The following PASD1 variants were observed in gnomAD, a reference collection of about 807,000 sequenced individuals.
PASD1 encodes the protein PAS domain containing repressor 1, also known as circadian clock protein PASD1.
Under a neutral mutation model 58.8 loss-of-function variants are expected in PASD1, and 13 were observed. That is an observed-to-expected ratio of 0.22 (90% confidence interval 0.14 to 0.35). The LOEUF (loss-of-function observed/expected upper bound fraction) is 0.35, where lower values mean the gene tolerates loss of function less well. Among genes scored for constraint, PASD1 ranks in the 10% least tolerant of loss-of-function variants. PASD1 has a pLI of 1.00. For missense variants in PASD1, 734 were observed against 568.3 expected (o/e 1.29, Z -2.96); for synonymous variants, 236 against 216.7 (o/e 1.09, Z -0.78).
intron 11 of PASD1, 93 bp from the exon 12 acceptor site, chrX:151,670,945 C>T: frequency 1.0e-6 from 1 of 975,118 alleles, no homozygotes; most frequent in Non-Finnish European, 1.4e-6. Flanking sequence ...TTTGCATTCT[C>T]AGTCTTTCAG....
At chrX:151,587,300 A>G (rs1316555177) in intron 1 of PASD1, among the ~76,000 whole-genome samples, 1 of 106,723 alleles carries the variant, frequency 9.4e-6, no homozygotes, top group African/African-American at 3.4e-5. Context: ...GTGTTCAGCA[A>G]ACTTTGACCA....
chrX:151,653,941 T>TC (rs1156981808), intron 9 of PASD1, among the ~76,000 whole-genome samples: 19 of 80,086 alleles, frequency 2.4e-4, no homozygotes, highest in Admixed American at 3.3e-4. Flanking sequence ...TTTCTTTCTT[T>TC]TTCTCTCTTT....
chrX:151,659,917 A>G (rs1378849779), intron 10 of PASD1, 81 bp downstream of exon 10: 2 of 984,353 alleles, frequency 2.0e-6, no homozygotes, highest in Admixed American at 2.9e-5. Flanking sequence ...TTTCAAATGA[A>G]TATAATGCTC....
In PASD1 at chrX:151,668,956, C is replaced by T. The variant is rs1484522095; in HGVS notation, c.1072-2082C>T. On this transcript the variant is annotated intron_variant, in intron 11 of 15. Coordinates refer to ENST00000370357, the MANE Select transcript of PASD1 (RefSeq NM_173493.3). ...AGAGATGGGGTTTTTGCTTTGTTGC[C>T]CAGGCTGGTCTCAAGCCTCAAGCAG... Among the ~76,000 whole-genome samples the T allele has an allele frequency of 9.5e-5, 10 of 105,373 alleles. No individual in the cohort carries two copies. The Admixed American group carries it at 1.0e-3, about 11-fold the overall frequency. The allele number at this position is 105,373 out of a possible 115,157, so 91.5% of individuals were successfully genotyped here.
chrX:151,566,039 C>T (rs909697258), intron 1 of PASD1, among the ~76,000 whole-genome samples: 1 of 111,789 alleles, frequency 8.9e-6, no homozygotes, highest in Non-Finnish European at 1.9e-5. Context: ...GGTAGTAAAA[C>T]GAAAATTTGT....
intron 1 of PASD1, among the ~76,000 whole-genome samples, chrX:151,600,792 C>G (rs911315968): frequency 8.9e-6 from 1 of 111,916 alleles, no homozygotes; most frequent in Non-Finnish European, 1.9e-5. Flanking sequence ...AGCATTAACA[C>G]CAAGCACGGG....
Position 151,563,757 on chromosome X carries a change from C to T in PASD1, c.-110C>T, listed in dbSNP as rs928112526. On this transcript the variant is annotated 5_prime_UTR_variant, in exon 1 of 16. Coordinates refer to ENST00000370357, the MANE Select transcript of PASD1 (RefSeq NM_173493.3). ...ACTTTCCGGGCGCCCACCAGGCTCC[C>T]GGGCTCTCACCGGAGACCACAGGGA... The T allele has an allele frequency of 8.9e-6, 1 of 112,307 alleles. No individual in the cohort carries two copies. The highest frequency in any genetic ancestry group is 1.9e-5 in the Non-Finnish European group (1 of 53,230). 9.3% of individuals were successfully genotyped at this position (112,307 alleles called of 1,213,427 possible).
intron 11 of PASD1, among the ~76,000 whole-genome samples, chrX:151,670,628 G>T (rs1232816262): frequency 8.9e-6 from 1 of 112,047 alleles, no homozygotes; most frequent in African/African-American, 3.2e-5. Flanking sequence ...TTAGAAGAGT[G>T]CCTGGAACAA....
intron 8 of PASD1, among the ~76,000 whole-genome samples, chrX:151,634,219 CCTCTT>C (rs1408758653): frequency 5.4e-5 from 6 of 111,150 alleles, no homozygotes; most frequent in Non-Finnish European, 1.1e-4. Context: ...ATCATTCTCT[CCTCTT>C]CTCTCCTTCT....
chrX:151,629,450 T>A (rs746655692), intron 8 of PASD1, among the ~76,000 whole-genome samples: 6 of 111,605 alleles, frequency 5.4e-5, no homozygotes, highest in Admixed American at 9.5e-5. Context: ...CTTCAGTGTT[T>A]TATGTTTGGC....
Position 151,673,537 on chromosome X carries a change from G to A in PASD1, c.1917-391G>A, listed in dbSNP as rs183350556. ...ATCTGTATTGATCACAAGACTTCCAGGCTTAGGGTTGTGGAGAGAGCACTG... is the reference window on the plus strand; with the variant it reads ...ATCTGTATTGATCACAAGACTTCCAAGCTTAGGGTTGTGGAGAGAGCACTG... On this transcript the variant is annotated intron_variant, in intron 14 of 15. Coordinates refer to ENST00000370357, the MANE Select transcript of PASD1 (RefSeq NM_173493.3). 5.3e-4 allele frequency: 107 copies of A among 202,822 alleles called. 2 individuals carry two copies. Among genetic ancestry groups the A allele is most frequent in the African/African-American group, 2.9e-3 (100 of 34,764 alleles). The allele number at this position is 202,822 out of a possible 1,213,427, so 16.7% of individuals were successfully genotyped here.
Position 151,577,231 on chromosome X carries a change from T to G in PASD1, c.-28+13392T>G, listed in dbSNP as rs190360868. 2.7e-5 allele frequency among the ~76,000 whole-genome samples: 3 copies of G among 112,202 alleles called. No homozygotes were observed. The Admixed American group carries it at 2.8e-4, about 11-fold the overall frequency. Reference sequence around the variant, plus strand: ...ATTTCTGTTATGCTAAGTTGCTCATTTAATAAAAAATTCTCAATAGAAACA... The same window carrying G: ...ATTTCTGTTATGCTAAGTTGCTCATGTAATAAAAAATTCTCAATAGAAACA... On this transcript the variant is annotated intron_variant, in intron 1 of 15. Transcript: ENST00000370357.
chrX:151,625,507 G>A lies in PASD1; in HGVS notation c.606G>A (p.Glu202=), dbSNP rs143131546. 0.019 allele frequency: 22,397 copies of A among 1,204,637 alleles called. 173 individuals are homozygous for A. The highest frequency in any genetic ancestry group is 0.021 in the Non-Finnish European group (18,826 of 891,106). ...CTGTACTTACACAAGATTCAGATGA[G>A]GAACCTTTTGTGGGAGAGCTCAGGT... ...DEAVLTQDSD[E]EPFVGELSSS... The change falls in exon 8 of 16, where the codon GAG becomes GAA. Residue 202 remains glutamate (E), a synonymous_variant. Coordinates refer to ENST00000370357, the MANE Select transcript of PASD1 (RefSeq NM_173493.3).
chrX:151,591,460 A>G (rs1602914731), intron 1 of PASD1, among the ~76,000 whole-genome samples: 1 of 112,004 alleles, frequency 8.9e-6, no homozygotes, highest in East Asian at 2.8e-4. Flanking sequence ...CAGTAATACA[A>G]TTTGATGGGA....
intron 8 of PASD1, among the ~76,000 whole-genome samples, chrX:151,633,853 T>C (rs2013897785): frequency 8.9e-6 from 1 of 112,179 alleles, no homozygotes; most frequent in Non-Finnish European, 1.9e-5. Flanking sequence ...ATCTGATATA[T>C]TTGCCTATTT....
At chrX:151,588,625 C>T (rs1394552900) in intron 1 of PASD1, among the ~76,000 whole-genome samples, 2 of 111,362 alleles carry the variant, frequency 1.8e-5, no homozygotes, top group Non-Finnish European at 3.8e-5. Context: ...TCTGACAAAT[C>T]GCTGATTAGG....
At chrX:151,647,296 C>T (rs1452654486) in intron 8 of PASD1, among the ~76,000 whole-genome samples, 1 of 111,514 alleles carries the variant, frequency 9.0e-6, no homozygotes, top group South Asian at 3.7e-4. Context: ...TGTGAGAAAA[C>T]ATTCTGTTAG....
intron 11 of PASD1, among the ~76,000 whole-genome samples, chrX:151,670,826 T>TCAGGC (rs1191679144): frequency 1.8e-5 from 2 of 112,396 alleles, no homozygotes; most frequent in Non-Finnish European, 3.8e-5. Context: ...GGGAAAAGAA[T>TCAGGC]CAGGCTAAAT....
intron 8 of PASD1, among the ~76,000 whole-genome samples, chrX:151,643,546 C>T (rs757482390): frequency 5.4e-5 from 6 of 110,643 alleles, no homozygotes; most frequent in Non-Finnish European, 9.5e-5. Context: ...TTCATGTACC[C>T]CATAAATATA....
Sources: gnomAD v4.1 joint callset for allele counts (sites outside exome capture counted in the v4.1 genomes callset) on GRCh38, gnomAD v4.1.1 for gene constraint, MANE v1.5 for transcripts, NCBI Gene and HGNC (gene_info 2026-07-23, HGNC 2026-07-21) for gene names.